Variants in CERKL observed in about 807,000 individuals in gnomAD.
CERKL encodes the protein CERK like autophagy regulator, also known as ceramide kinase-like protein.
CERKL carries 61 observed loss-of-function variants against 63.4 expected under a neutral mutation model. The ratio of observed to expected loss-of-function variants is 0.96; its 90% CI spans 0.78 to 1.19. The LOEUF (loss-of-function observed/expected upper bound fraction) is 1.19. Ranked by LOEUF, CERKL falls within the 50% of genes most tolerant of loss-of-function variation. The probability of loss-of-function intolerance (pLI) is 0.00; values close to 1 mark genes in which losing one functional copy is unlikely to be tolerated. For missense variants in CERKL, 675 were observed against 655.5 expected (o/e 1.03, Z -0.33); for synonymous variants, 250 against 230.5 (o/e 1.08, Z -0.77).
intron 1 of CERKL, among the ~76,000 whole-genome samples, chr2:181,619,027 A>T (rs1006341463): frequency 6.6e-6 from 1 of 152,224 alleles, no homozygotes; most frequent in African/African-American, 2.4e-5. Flanking sequence ...TACATCTGAA[A>T]CATCATGAAA....
chr2:181,565,805 G>A (rs181841632), intron 4 of CERKL, among the ~76,000 whole-genome samples: 1 of 152,186 alleles, frequency 6.6e-6, no homozygotes, highest in Non-Finnish European at 1.5e-5. Context: ...AGTAAGTATA[G>A]AGTAGTACAC....
intron 8 of CERKL, chr2:181,548,331 G>GAA (rs57081692): frequency 1.0e-5 from 6 of 583,094 alleles, no homozygotes; most frequent in Non-Finnish European, 1.8e-5. Flanking sequence ...GGGAGAGACA[G>GAA]GGGGAAGGAA....
intron 3 of CERKL, among the ~76,000 whole-genome samples, chr2:181,566,592 T>C (rs940931486): frequency 1.3e-5 from 2 of 152,118 alleles, no homozygotes; most frequent in Admixed American, 1.3e-4. Context: ...CTGGAACTGT[T>C]AGACTAAAAA....
At chr2:181,579,268 C>T (rs898113549) in intron 2 of CERKL, among the ~76,000 whole-genome samples, 3 of 151,894 alleles carry the variant, frequency 2.0e-5, no homozygotes, top group Admixed American at 6.6e-5. Flanking sequence ...TTTAGATTGC[C>T]TGTTTTCTTA....
intron 2 of CERKL, among the ~76,000 whole-genome samples, chr2:181,598,650 C>T (rs1457607344): frequency 6.6e-6 from 1 of 152,180 alleles, no homozygotes; most frequent in African/African-American, 2.4e-5. Flanking sequence ...ACCAGAAAGG[C>T]TTAGCACTAC....
At position 181,536,942 on chromosome 2, in the gene CERKL, G is replaced by T. The variant is rs1035779710; in HGVS notation, c.*1242C>A. 1 of 453,482 alleles carries T rather than the reference G, an allele frequency of 2.2e-6. No homozygotes were observed. The highest frequency in any genetic ancestry group is 4.4e-6 in the Non-Finnish European group (1 of 226,546). The allele number at this position is 453,482 out of a possible 1,614,324, so 28.1% of individuals were successfully genotyped here. On this transcript the variant is annotated 3_prime_UTR_variant, in exon 13 of 13. Coordinates refer to ENST00000410087, the MANE Select transcript of CERKL (RefSeq NM_201548.5). ...AATTCTGGGAAAGATTTCTTTATAT[G>T]AAGTCCCTGCCACTAGCCAGCCATC...
intron 1 of CERKL, among the ~76,000 whole-genome samples, chr2:181,611,487 C>A (rs1685967473): frequency 6.6e-6 from 1 of 151,718 alleles, no homozygotes; most frequent in Non-Finnish European, 1.5e-5. Context: ...AGTGAGACCT[C>A]ATCTCTACAA....
At position 181,656,950 on chromosome 2, in the gene CERKL, T is replaced by G. The variant is rs1688202555; in HGVS notation, c.57A>C (p.Glu19Asp). Residue 19 changes from glutamate to aspartate, a missense_variant, in exon 1 of 13, where the codon GAA (glutamate) becomes GAC (aspartate). By Grantham distance (45) the Glu-to-Asp change is conservative. Transcript: ENST00000410087. ...RVSALEGGREEEAPPEAAAVP... is the reference protein window; with the variant it reads ...RVSALEGGREDEAPPEAAAVP... Reference sequence around the variant, plus strand: ...CAGCGGCAGCCTCCGGGGGCGCCTCTTCCTCCCGGCCGCCCTCCAGGGCAC... The same window carrying G: ...CAGCGGCAGCCTCCGGGGGCGCCTCGTCCTCCCGGCCGCCCTCCAGGGCAC... 6.3e-7 allele frequency: 1 copy of G among 1,585,766 alleles called. No homozygotes were observed. Among genetic ancestry groups the G allele is most frequent in the Admixed American group, 1.7e-5 (1 of 59,162 alleles).
intron 4 of CERKL, among the ~76,000 whole-genome samples, chr2:181,563,216 T>TA (rs1688520357): frequency 6.6e-6 from 1 of 152,132 alleles, no homozygotes; most frequent in African/African-American, 2.4e-5. Flanking sequence ...CAGTGGATCT[T>TA]AGAGTGTTTC....
At chr2:181,613,110 C>T (rs1686042229) in intron 1 of CERKL, among the ~76,000 whole-genome samples, 1 of 128,104 alleles carries the variant, frequency 7.8e-6, no homozygotes, top group Non-Finnish European at 1.8e-5. Flanking sequence ...AGATCCAGAA[C>T]TTATTCATTC....
At chr2:181,594,274 C>T (rs1015458516) in intron 2 of CERKL, among the ~76,000 whole-genome samples, 1 of 152,116 alleles carries the variant, frequency 6.6e-6, no homozygotes, top group Non-Finnish European at 1.5e-5. Flanking sequence ...AGAAGTATCC[C>T]CTTTGTGAGC....
At chr2:181,553,023 G>A (rs770340238) in intron 5 of CERKL, among the ~76,000 whole-genome samples, 3 of 152,108 alleles carry the variant, frequency 2.0e-5, no homozygotes, top group Non-Finnish European at 4.4e-5. Flanking sequence ...TCATTACCTG[G>A]GAGCTTGTTA....
intron 4 of CERKL, among the ~76,000 whole-genome samples, chr2:181,561,363 T>C (rs1017037828): frequency 1.3e-5 from 2 of 150,648 alleles, no homozygotes; most frequent in Admixed American, 1.3e-4. Context: ...TGAGCTGAGA[T>C]TGCACCACTG....
chr2:181,621,223 T>TA (rs1686433455), intron 1 of CERKL, among the ~76,000 whole-genome samples: 1 of 152,208 alleles, frequency 6.6e-6, no homozygotes, highest in East Asian at 1.9e-4. Flanking sequence ...CCTAAGTCTC[T>TA]AAGTTATTTT....
chr2:181,589,773 A>C (rs1684912600), intron 2 of CERKL, among the ~76,000 whole-genome samples: 1 of 152,206 alleles, frequency 6.6e-6, no homozygotes. Context: ...ACAATGCAAA[A>C]GCCAGAGCCA....
intron 4 of CERKL, among the ~76,000 whole-genome samples, chr2:181,563,052 T>C (rs2105827843): frequency 6.6e-6 from 1 of 152,300 alleles, no homozygotes; most frequent in East Asian, 1.9e-4. Flanking sequence ...ATAAAATCTA[T>C]AGATTTTTAA....
At chr2:181,579,397 T>G (rs188498885) in intron 2 of CERKL, among the ~76,000 whole-genome samples, 1 of 152,084 alleles carries the variant, frequency 6.6e-6, no homozygotes, top group Non-Finnish European at 1.5e-5. Flanking sequence ...TGAGAGGTTG[T>G]AAAATTTTGT....
intron 1 of CERKL, among the ~76,000 whole-genome samples, chr2:181,627,276 G>A (rs567786555): frequency 2.6e-5 from 4 of 152,200 alleles, no homozygotes; most frequent in African/African-American, 9.6e-5. Context: ...GGCATCCTGA[G>A]TGCCTCCTAA....
chr2:181,561,469 C>T (rs769187880), intron 4 of CERKL, among the ~76,000 whole-genome samples: 6 of 151,334 alleles, frequency 4.0e-5, no homozygotes, highest in Admixed American at 2.0e-4. Flanking sequence ...CAATAAGATC[C>T]CCAACTCCAA....
Sources: gnomAD v4.1 joint callset for allele counts (sites outside exome capture counted in the v4.1 genomes callset) on GRCh38, gnomAD v4.1.1 for gene constraint, MANE v1.5 for transcripts, NCBI Gene and HGNC (gene_info 2026-07-23, HGNC 2026-07-21) for gene names.